UBAC2: variants seen among roughly 807,000 people sequenced by gnomAD.
The protein encoded by UBAC2 is UBA domain containing 2, also known as ubiquitin-associated domain-containing protein 2.
Under a neutral mutation model 44.0 loss-of-function variants are expected in UBAC2, and 26 were observed. That is an observed-to-expected ratio of 0.59 (90% CI 0.43 to 0.82). UBAC2 has a LOEUF of 0.82. Ranked by LOEUF, UBAC2 falls within the 40% of genes least tolerant of loss-of-function variation. The probability of loss-of-function intolerance (pLI) is 0.00; values close to 1 mark genes in which losing one functional copy is unlikely to be tolerated. For synonymous variants in UBAC2, 155 were observed against 154.3 expected (o/e 1.00, Z -0.04); for missense variants, 329 against 419.4 (o/e 0.78, Z 1.88).
intron 2 of UBAC2, 126 bp from the exon 3 acceptor site, chr13:99,243,706 G>T: frequency 1.2e-6 from 1 of 803,716 alleles, no homozygotes. Context: ...GTTTTCCTTT[G>T]GTGTGTGCAT....
intron 6 of UBAC2, among the ~76,000 whole-genome samples, chr13:99,332,196 A>C (rs911716541): frequency 6.6e-6 from 1 of 152,048 alleles, no homozygotes; most frequent in Admixed American, 6.5e-5. Flanking sequence ...AGCAATCGAC[A>C]CCTGTGTGTC....
At chr13:99,225,853 A>G (rs1417784009) in intron 1 of UBAC2, among the ~76,000 whole-genome samples, 2 of 152,206 alleles carry the variant, frequency 1.3e-5, no homozygotes, top group African/African-American at 2.4e-5. Context: ...GTGCCTTGTA[A>G]TTGATGACGT....
chr13:99,202,555 G>A (rs1040123844), intron 1 of UBAC2, among the ~76,000 whole-genome samples: 4 of 152,220 alleles, frequency 2.6e-5, no homozygotes, highest in South Asian at 2.1e-4. Flanking sequence ...TTGCTGTACT[G>A]TATTAGCCAT....
At chr13:99,322,135 C>T (rs1248108606) in intron 6 of UBAC2, among the ~76,000 whole-genome samples, 2 of 152,212 alleles carry the variant, frequency 1.3e-5, no homozygotes, top group South Asian at 4.1e-4. Context: ...TAAACAAATA[C>T]TTCAACATTT....
At chr13:99,225,577 G>A (rs2043102040) in intron 1 of UBAC2, among the ~76,000 whole-genome samples, 1 of 152,066 alleles carries the variant, frequency 6.6e-6, no homozygotes. Flanking sequence ...TGGACACTTG[G>A]GTTCCTCCCG....
chr13:99,314,187 A>G lies in UBAC2; in HGVS notation c.480A>G (p.Thr160=), dbSNP rs2044453831. ...AAATTCTGGGTCCGTTGTCCATCAC[A>G]AACAAGACATTGATTTATATATTGG... ...VAQILGPLSI[T]NKTLIYILGL... is the part of the protein sequence containing the mutation. The change falls in exon 5 of 9, where the codon ACA becomes ACG. Residue 160 remains threonine, a synonymous_variant. Coordinates refer to ENST00000403766, the MANE Select transcript of UBAC2 (RefSeq NM_001144072.2). The G allele has an allele frequency of 1.9e-6, 3 of 1,613,884 alleles. No individual in the cohort carries two copies. The highest frequency in any genetic ancestry group is 3.3e-4 in the Middle Eastern group (2 of 6,060).
chr13:99,281,625 A>T (rs1027143741), intron 4 of UBAC2, among the ~76,000 whole-genome samples: 1 of 152,230 alleles, frequency 6.6e-6, no homozygotes, highest in Non-Finnish European at 1.5e-5. Context: ...CTATAAATTG[A>T]TAAAAGAAAA....
chr13:99,361,146 T>C (rs1594170106), intron 7 of UBAC2, among the ~76,000 whole-genome samples: 1 of 152,358 alleles, frequency 6.6e-6, no homozygotes, highest in African/African-American at 2.4e-5. Context: ...TATTTATTCA[T>C]TCATACATGT....
chr13:99,225,270 ACT>A (rs1236954277), intron 1 of UBAC2, among the ~76,000 whole-genome samples: 2 of 152,074 alleles, frequency 1.3e-5, no homozygotes, highest in African/African-American at 2.4e-5. Flanking sequence ...CAGAAATGAA[ACT>A]CTGTATCCAT....
At chr13:99,262,224 C>T (rs1038162541) in intron 4 of UBAC2, among the ~76,000 whole-genome samples, 3 of 152,144 alleles carry the variant, frequency 2.0e-5, no homozygotes, top group African/African-American at 7.2e-5. Flanking sequence ...CACAAAGGTA[C>T]TGAGCCTAAT....
chr13:99,375,274 T>C (rs941064776), intron 8 of UBAC2, among the ~76,000 whole-genome samples: 1 of 139,888 alleles, frequency 7.1e-6, no homozygotes, highest in Admixed American at 7.6e-5. Context: ...AACCAAGAGA[T>C]GTGAAAGGAG....
At chr13:99,345,932 GGGGTTTCACCATGTTGGCCA>G (rs2044972407) in intron 7 of UBAC2, among the ~76,000 whole-genome samples, 1 of 151,828 alleles carries the variant, frequency 6.6e-6, no homozygotes, top group African/African-American at 2.4e-5. Flanking sequence ...TAGTAAAGAC[GGGGTTTCACCATGTTGGCCA>G]GGCTGGTCTT....
chr13:99,271,899 C>T (rs1306399622), intron 4 of UBAC2, among the ~76,000 whole-genome samples: 3 of 152,140 alleles, frequency 2.0e-5, no homozygotes, highest in African/African-American at 7.2e-5. Flanking sequence ...TTAGAGCTCC[C>T]AGACCATTCA....
chr13:99,342,282 G>T (rs1371516539), intron 7 of UBAC2, among the ~76,000 whole-genome samples: 3 of 152,168 alleles, frequency 2.0e-5, no homozygotes, highest in African/African-American at 7.2e-5. Flanking sequence ...AGTCCCATGC[G>T]TACGACCTCT....
chr13:99,208,908 C>T (rs547071693), intron 1 of UBAC2, among the ~76,000 whole-genome samples: 4 of 152,292 alleles, frequency 2.6e-5, no homozygotes, highest in South Asian at 2.1e-4. Flanking sequence ...TTATTTTGGT[C>T]GATTTATTTT....
At chr13:99,207,986 A>G (rs1268257087) in intron 1 of UBAC2, among the ~76,000 whole-genome samples, 1 of 140,506 alleles carries the variant, frequency 7.1e-6, no homozygotes, top group East Asian at 2.2e-4. Context: ...TTTGCCTCTC[A>G]TCGTCTCTTT....
intron 4 of UBAC2, among the ~76,000 whole-genome samples, chr13:99,278,878 C>T (rs2043917907): frequency 6.6e-6 from 1 of 152,186 alleles, no homozygotes. Flanking sequence ...CGCCATGCCT[C>T]CAAGTCAAGG....
intron 4 of UBAC2, among the ~76,000 whole-genome samples, chr13:99,273,708 A>T (rs143386931): frequency 6.6e-6 from 1 of 152,116 alleles, no homozygotes; most frequent in Non-Finnish European, 1.5e-5. Flanking sequence ...TGGGTTGTAC[A>T]CTTGGTGTGG....
At chr13:99,257,928 T>G (rs1162987514) in intron 4 of UBAC2, among the ~76,000 whole-genome samples, 2 of 152,156 alleles carry the variant, frequency 1.3e-5, no homozygotes, top group South Asian at 4.2e-4. Context: ...ACATAGTTTG[T>G]TATGTTTATT....
Sources: gnomAD v4.1 joint callset for allele counts (sites outside exome capture counted in the v4.1 genomes callset) on GRCh38, gnomAD v4.1.1 for gene constraint, MANE v1.5 for transcripts, NCBI Gene and HGNC (gene_info 2026-07-23, HGNC 2026-07-21) for gene names.